Variants in CSMD3 observed in about 807,000 individuals in gnomAD.
CSMD3 encodes CUB and sushi domain-containing protein 3.
CSMD3 carries 177 observed loss-of-function variants against 435.2 expected under a neutral mutation model. The ratio of observed to expected loss-of-function variants is 0.41; its 90% CI spans 0.36 to 0.46. The LOEUF (loss-of-function observed/expected upper bound fraction) is 0.46. Among genes scored for constraint, CSMD3 ranks in the 20% least tolerant of loss-of-function variants. The pLI, the probability that CSMD3 is intolerant of heterozygous loss-of-function variation, is 0.34. For missense variants in CSMD3, 4,265 were observed against 4,504.6 expected, an observed-to-expected ratio of 0.95 and a Z score of 1.52; for synonymous variants, 1,656 against 1,520.5, an observed-to-expected ratio of 1.09 and a Z score of -2.07.
At position 113,044,476 on chromosome 8, in the gene CSMD3, C is replaced by T. The variant is rs546861726; in HGVS notation, c.918-25297G>A. ...ACACTATGCCCAGCCTAGACTGATT[C>T]ACAGCCCAACTCTTGAGAGACACAG... is the stretch of plus-strand genomic sequence containing the variant. On this transcript the variant is annotated intron_variant, in intron 5 of 70. Coordinates refer to ENST00000297405, the MANE Select transcript of CSMD3 (RefSeq NM_198123.2). Among the ~76,000 whole-genome samples the T allele has an allele frequency of 1.3e-4, 19 of 149,076 alleles. 2 individuals are homozygous for T. The highest frequency in any genetic ancestry group is 1.9e-4 in the East Asian group (1 of 5,184).
Position 112,467,224 on chromosome 8 carries a change from G to A in CSMD3, c.5395+5367C>T, listed in dbSNP as rs117914980. Among the ~76,000 whole-genome samples, 308 of 152,306 alleles carry A rather than the reference G, an allele frequency of 2.0e-3. 2 individuals are homozygous for A. Among genetic ancestry groups the A allele is most frequent in the Non-Finnish European group, 3.7e-3 (254 of 68,020 alleles). ...GCCAATAATAAAAGATAGGTGAGAA[G>A]GCAGATTACTGGGGCAAATGTAAGG... On this transcript the variant is annotated intron_variant, in intron 32 of 70. Coordinates refer to ENST00000297405, the MANE Select transcript of CSMD3 (RefSeq NM_198123.2).
At position 113,200,022 on chromosome 8, in the gene CSMD3, C is replaced by T. The variant is rs144046571; in HGVS notation, c.515-26106G>A. On this transcript the variant is annotated intron_variant, in intron 3 of 70. Transcript: ENST00000297405. ...CCTCTGTGCTTCAGATTTATATACC[C>T]AAATGCCTGTTGAACATCTCCATTT... is the stretch of plus-strand genomic sequence containing the variant. Among the ~76,000 whole-genome samples the T allele has an allele frequency of 4.1e-4, 63 of 151,944 alleles. No homozygotes were observed. In the East Asian group the frequency reaches 8.0e-3, roughly 19 times the overall value.
chr8:113,008,930 T>C (rs1009001358), intron 6 of CSMD3, among the ~76,000 whole-genome samples: 1 of 151,396 alleles, frequency 6.6e-6, no homozygotes, highest in African/African-American at 2.4e-5. Context: ...ATAAGTATAA[T>C]GCCCTATAAT....
intron 32 of CSMD3, among the ~76,000 whole-genome samples, chr8:112,455,676 G>A (rs1816763533): frequency 6.6e-6 from 1 of 151,942 alleles, no homozygotes; most frequent in Non-Finnish European, 1.5e-5. Flanking sequence ...TACAGTGAAA[G>A]ATTTTCCTAG....
In CSMD3 at chr8:113,223,762, A is replaced by ATG. The variant is rs373938091; in HGVS notation, c.515-49848_515-49847dup. ...AAGCTGTGTGTGTTTATGTGTGTGT[A>ATG]TGTGTGTGTGTGTGTGTGTGTCGGT... On this transcript the variant is annotated intron_variant, in intron 3 of 70. Coordinates refer to ENST00000297405, the MANE Select transcript of CSMD3 (RefSeq NM_198123.2). 8.9e-4 allele frequency among the ~76,000 whole-genome samples: 85 copies of ATG among 95,354 alleles called. 1 individual carries two copies. The highest frequency in any genetic ancestry group is 2.7e-3 in the South Asian group (9 of 3,274). The allele number at this position is 95,354 out of a possible 152,430, so 62.6% of individuals were successfully genotyped here.
intron 1 of CSMD3, among the ~76,000 whole-genome samples, chr8:113,372,176 G>C (rs2094349686): frequency 6.6e-6 from 1 of 152,060 alleles, no homozygotes; most frequent in Non-Finnish European, 1.5e-5. Flanking sequence ...AAACAAGCTA[G>C]TTCCCCAAGG....
chr8:112,811,225 C>CA (rs552381387), intron 12 of CSMD3, among the ~76,000 whole-genome samples: 87 of 151,576 alleles, frequency 5.7e-4, no homozygotes, highest in African/African-American at 2.0e-3. Context: ...AAAATAGTAA[C>CA]AAAAAAGAAA....
intron 3 of CSMD3, among the ~76,000 whole-genome samples, chr8:113,205,789 G>A (rs2092764428): frequency 6.6e-6 from 1 of 152,154 alleles, no homozygotes; most frequent in Admixed American, 6.6e-5. Context: ...TAGGAAAGTA[G>A]TGATATACTA....
chr8:112,770,027 A>G (rs1461954728), intron 13 of CSMD3, among the ~76,000 whole-genome samples: 1 of 152,058 alleles, frequency 6.6e-6, no homozygotes, highest in African/African-American at 2.4e-5. Flanking sequence ...TATTAATAAT[A>G]AATCAACACA....
chr8:112,762,848 A>C (rs2077875915), intron 13 of CSMD3, among the ~76,000 whole-genome samples: 1 of 151,806 alleles, frequency 6.6e-6, no homozygotes, highest in South Asian at 2.1e-4. Flanking sequence ...GAGTCTAAAA[A>C]AGTTGATCTC....
intron 3 of CSMD3, among the ~76,000 whole-genome samples, chr8:113,197,419 A>G (rs1360196544): frequency 1.3e-5 from 2 of 151,228 alleles, no homozygotes; most frequent in Admixed American, 6.6e-5. Flanking sequence ...GTTCTGTACT[A>G]GACAGTGGTC....
intron 5 of CSMD3, among the ~76,000 whole-genome samples, chr8:113,026,625 T>C (rs1564225529): frequency 6.6e-6 from 1 of 152,234 alleles, no homozygotes; most frequent in Non-Finnish European, 1.5e-5. Flanking sequence ...TATACTGTCT[T>C]ATATATGTCA....
chr8:112,425,245 A>G (rs913081827), intron 32 of CSMD3, among the ~76,000 whole-genome samples: 6 of 152,226 alleles, frequency 3.9e-5, no homozygotes, highest in Non-Finnish European at 7.3e-5. Flanking sequence ...CATGTGGCTA[A>G]CTAATGTTTT....
chr8:113,059,781 G>A (rs964191602), intron 5 of CSMD3, among the ~76,000 whole-genome samples: 1 of 152,086 alleles, frequency 6.6e-6, no homozygotes, highest in African/African-American at 2.4e-5. Context: ...TTTAGAGAAG[G>A]TTCTGCTACT....
At chr8:112,927,180 G>A (rs980371973) in intron 9 of CSMD3, among the ~76,000 whole-genome samples, 1 of 151,972 alleles carries the variant, frequency 6.6e-6, no homozygotes, top group African/African-American at 2.4e-5. Flanking sequence ...GAATATCTAA[G>A]GTTATTTTAC....
At chr8:112,586,434 A>G (rs1027024915) in intron 23 of CSMD3, among the ~76,000 whole-genome samples, 8 of 151,542 alleles carry the variant, frequency 5.3e-5, no homozygotes, top group Non-Finnish European at 1.0e-4. Context: ...AACTATGAAA[A>G]TATTTATTTG....
chr8:113,386,458 T>C (rs2094439594), intron 1 of CSMD3, among the ~76,000 whole-genome samples: 2 of 151,944 alleles, frequency 1.3e-5, no homozygotes, highest in South Asian at 4.1e-4. Context: ...TACATGCACA[T>C]AGGAAACATC....
intron 3 of CSMD3, among the ~76,000 whole-genome samples, chr8:113,200,905 C>T (rs191213330): frequency 1.3e-5 from 2 of 151,684 alleles, no homozygotes; most frequent in African/African-American, 2.4e-5. Flanking sequence ...TTAATGGTTC[C>T]TAGTGTATTG....
chr8:112,273,725 C>CAAAAAAAAAA (rs371418820), intron 59 of CSMD3, among the ~76,000 whole-genome samples: 1 of 112,028 alleles, frequency 8.9e-6, no homozygotes, highest in East Asian at 2.7e-4. Context: ...GACTCTGTCT[C>CAAAAAAAAAA]AAAAAAAAAA....
Sources: gnomAD v4.1 joint callset for allele counts (sites outside exome capture counted in the v4.1 genomes callset) on GRCh38, gnomAD v4.1.1 for gene constraint, MANE v1.5 for transcripts, NCBI Gene and HGNC (gene_info 2026-07-23, HGNC 2026-07-21) for gene names.